The following SLC15A5 variants were observed in gnomAD, a reference collection of about 807,000 sequenced individuals.
SLC15A5 encodes Peptide/histidine transporter ENSP00000340402.
In SLC15A5, 58 loss-of-function variants were observed where a neutral mutation model predicts 56.1. The observed-to-expected ratio is 1.03, with a 90% CI of 0.84 to 1.29. SLC15A5 has a LOEUF of 1.29. Ranked by LOEUF, SLC15A5 falls within the 50% of genes most tolerant of loss-of-function variation. The pLI, the probability that SLC15A5 is intolerant of heterozygous loss-of-function variation, is 0.00. For missense variants in SLC15A5, 681 were observed against 672.1 expected (o/e 1.01, Z -0.15); for synonymous variants, 264 against 250.5 (o/e 1.05, Z -0.51).
intron 7 of SLC15A5, among the ~76,000 whole-genome samples, chr12:16,198,869 G>A (rs1233540845): frequency 1.3e-5 from 2 of 151,974 alleles, no homozygotes; most frequent in Non-Finnish European, 2.9e-5. Flanking sequence ...TCTATCTAAT[G>A]CCCTACGTTG....
At chr12:16,259,184 C>T (rs1864614246) in intron 2 of SLC15A5, among the ~76,000 whole-genome samples, 1 of 143,314 alleles carries the variant, frequency 7.0e-6, no homozygotes, top group African/African-American at 2.6e-5. Context: ...CAAGCACGCA[C>T]TACCATACCT....
chr12:16,273,138 A>C (rs977170160), intron 1 of SLC15A5, among the ~76,000 whole-genome samples: 1 of 152,106 alleles, frequency 6.6e-6, no homozygotes, highest in African/African-American at 2.4e-5. Context: ...CCCCAGAGAA[A>C]ACCACTGTTA....
At position 16,257,584 on chromosome 12, in the gene SLC15A5, C is replaced by G. The variant is rs185285078; in HGVS notation, c.754+117G>C. 5.1e-3 allele frequency: 4,150 copies of G among 812,986 alleles called. 9 individuals carry two copies. Among genetic ancestry groups the G allele is most frequent in the Non-Finnish European group, 6.1e-3 (3,570 of 584,862 alleles). The allele number at this position is 812,986 out of a possible 1,614,324, so 50.4% of individuals were successfully genotyped here. A position where few individuals can be genotyped will look rare whatever the true frequency, so the allele number is the denominator to read the frequency against. On this transcript the variant is annotated intron_variant, in intron 3 of 8. Coordinates refer to ENST00000344941, the MANE Select transcript of SLC15A5 (RefSeq NM_001170798.1). ...ACCATTGCTTTATCAAGGGTAATAT[C>G]TGACACAATTTTCAAATTCTGAGTT... is the stretch of plus-strand genomic sequence containing the variant.
intron 4 of SLC15A5, among the ~76,000 whole-genome samples, chr12:16,242,214 G>A (rs12297110): frequency 0.049 from 7,522 of 152,196 alleles, 284 homozygotes; most frequent in Non-Finnish European, 0.08. Context: ...CTTTGTACTG[G>A]TGATTATTTC....
chr12:16,191,537 A>G (rs1863838286), intron 8 of SLC15A5, among the ~76,000 whole-genome samples: 1 of 152,102 alleles, frequency 6.6e-6, no homozygotes, highest in African/African-American at 2.4e-5. Context: ...GAGATTAAAT[A>G]TGATTTGACT....
chr12:16,198,612 TA>T (rs1233463500), intron 7 of SLC15A5, among the ~76,000 whole-genome samples: 2 of 152,126 alleles, frequency 1.3e-5, no homozygotes, highest in African/African-American at 4.8e-5. Flanking sequence ...TCAACAGTTT[TA>T]AAATGTCTGG....
intron 2 of SLC15A5, among the ~76,000 whole-genome samples, chr12:16,259,734 CCAT>C (rs1864621337): frequency 6.6e-6 from 1 of 152,120 alleles, no homozygotes; most frequent in African/African-American, 2.4e-5. Flanking sequence ...ATTATTTCCT[CCAT>C]CACACAGGAG....
chr12:16,229,466 T>G (rs1478347244), intron 5 of SLC15A5, among the ~76,000 whole-genome samples: 2 of 152,144 alleles, frequency 1.3e-5, no homozygotes, highest in Non-Finnish European at 2.9e-5. Context: ...TCCCATAACA[T>G]CCATTTTTTT....
chr12:16,257,841 G>A lies in SLC15A5; in HGVS notation c.614C>T (p.Thr205Ile). 2 of 1,506,866 alleles carry A rather than the reference G, an allele frequency of 1.3e-6. No individual in the cohort carries two copies. The highest frequency in any genetic ancestry group is 1.8e-6 in the Non-Finnish European group (2 of 1,136,790). 93.3% of individuals were successfully genotyped at this position (1,506,866 alleles called of 1,614,324 possible). Residue 205 changes from threonine (T) to isoleucine (I), a missense_variant, in exon 3 of 9, where the codon ACT (threonine) becomes ATT (isoleucine). Coordinates refer to ENST00000344941, the MANE Select transcript of SLC15A5 (RefSeq NM_001170798.1). ...GTAAGATATTCCCAGAAACACAATA[G>A]TTGCATTTAGGTTCATGAGCCAATA... ...WFYWLMNLNA[T>I]IVFLGISYIQ...
In SLC15A5 at chr12:16,271,360, A is replaced by G. The variant is rs1864753525; in HGVS notation, c.584+1201T>C. On this transcript the variant is annotated intron_variant, in intron 2 of 8. Transcript: ENST00000344941. The surrounding 1 kb of genome is among the most constrained non-coding windows in gnomAD (Gnocchi z 8.0). ...TCCAGAGTCTTATTTAATCAAAATG[A>G]TGTTGCTAATTAAGGATTAAAACCT... Among the ~76,000 whole-genome samples the G allele has an allele frequency of 6.6e-6, 1 of 152,190 alleles. No individual in the cohort carries two copies. Among genetic ancestry groups the G allele is most frequent in the African/African-American group, 2.4e-5 (1 of 41,470 alleles).
intron 7 of SLC15A5, among the ~76,000 whole-genome samples, chr12:16,201,370 A>G (rs995573923): frequency 6.6e-6 from 1 of 152,158 alleles, no homozygotes; most frequent in Non-Finnish European, 1.5e-5. Flanking sequence ...TCAAAACAGC[A>G]TGGCATAAAA....
chr12:16,226,031 T>G lies in SLC15A5; in HGVS notation c.1163-1429A>C, dbSNP rs143415026. Among the ~76,000 whole-genome samples the G allele has an allele frequency of 5.0e-3, 766 of 152,280 alleles. 4 individuals are homozygous for G. Among genetic ancestry groups the G allele is most frequent in the Non-Finnish European group, 7.9e-3 (536 of 68,032 alleles). ...AGTTAATAACGCTTACTTTATAGGG[T>G]GCTTGTGACATTTAAATAAGACAAC... is the stretch of plus-strand genomic sequence containing the variant. On this transcript the variant is annotated intron_variant, in intron 5 of 8. Transcript: ENST00000344941.
At chr12:16,200,941 G>A (rs1478361369) in intron 7 of SLC15A5, among the ~76,000 whole-genome samples, 2 of 152,068 alleles carry the variant, frequency 1.3e-5, no homozygotes, top group Admixed American at 6.6e-5. Context: ...AGTTCTAAGA[G>A]ATGATTCATT....
At chr12:16,213,037 A>T (rs1253896566) in intron 7 of SLC15A5, among the ~76,000 whole-genome samples, 1 of 152,166 alleles carries the variant, frequency 6.6e-6, no homozygotes, top group Non-Finnish European at 1.5e-5. Flanking sequence ...AGAGAGAGAG[A>T]GAGTCCAGGT....
intron 7 of SLC15A5, among the ~76,000 whole-genome samples, chr12:16,209,277 CATATATGTGTGTATATATACATAT>C (rs1428787067): frequency 6.6e-6 from 1 of 151,978 alleles, no homozygotes; most frequent in African/African-American, 2.4e-5. Flanking sequence ...CATATACACA[CATATATGTGTGTATATATACATAT>C]ATAGTTCCCT....
rs1313415100 is a variant in SLC15A5 at position 16,269,897 on chromosome 12, T to G, written c.584+2664A>C. 6.6e-6 allele frequency among the ~76,000 whole-genome samples: 1 copy of G among 152,200 alleles called. No individual in the cohort carries two copies. The highest frequency in any genetic ancestry group is 2.4e-5 in the African/African-American group (1 of 41,460). Reference sequence around the variant, plus strand: ...CCAGGAACAGACTTCATTATCCTCCTTCTTTTTGCTTCCAGAAAAGAATCT... The same window carrying G: ...CCAGGAACAGACTTCATTATCCTCCGTCTTTTTGCTTCCAGAAAAGAATCT... On this transcript the variant is annotated intron_variant, in intron 2 of 8. Coordinates refer to ENST00000344941, the MANE Select transcript of SLC15A5 (RefSeq NM_001170798.1). The surrounding 1 kb of genome is among the most constrained non-coding windows in gnomAD (Gnocchi z 4.7).
chr12:16,257,902 AC>A (rs895866232), intron 2 of SLC15A5, 32 bp from the exon 3 acceptor site: 1 of 1,365,164 alleles, frequency 7.3e-7, no homozygotes, highest in Admixed American at 3.6e-5. Flanking sequence ...AAATAAAAAT[AC>A]CATTGAATTG....
Position 16,244,707 on chromosome 12 carries a change from T to C in SLC15A5, c.848A>G (p.Gln283Arg). 6.5e-7 allele frequency: 1 copy of C among 1,537,644 alleles called. No homozygotes were observed. Among genetic ancestry groups the C allele is most frequent in the South Asian group, 1.2e-5 (1 of 84,058 alleles). ...YCHLGRDVTS[Q>R]LDHAKEKNGG... is the part of the protein sequence containing the mutation. Reference sequence around the variant, plus strand: ...ATTTTTTTCTTTGGCATGGTCTAACTGGCTTGTCACGTCTCTGCCAAGATG... The same window carrying C: ...ATTTTTTTCTTTGGCATGGTCTAACCGGCTTGTCACGTCTCTGCCAAGATG... Residue 283 changes from glutamine to arginine, a missense_variant, in exon 4 of 9, where the codon CAG becomes CGG. Physicochemically the swap from Gln to Arg is conservative, Grantham distance 43. Transcript: ENST00000344941.
chr12:16,251,300 C>T (rs1395020431), intron 3 of SLC15A5, among the ~76,000 whole-genome samples: 1 of 151,384 alleles, frequency 6.6e-6, no homozygotes, highest in Non-Finnish European at 1.5e-5. Flanking sequence ...AAAGAACAAA[C>T]AACACAAAGT....
Sources: gnomAD v4.1 joint callset for allele counts (sites outside exome capture counted in the v4.1 genomes callset) on GRCh38, gnomAD v4.1.1 for gene constraint, Gnocchi (gnomAD v3.1) non-coding constraint, MANE v1.5 for transcripts, NCBI Gene and HGNC (gene_info 2026-07-23, HGNC 2026-07-21) for gene names.